Variants in GNG7 observed in about 807,000 individuals in gnomAD.
GNG7 encodes the protein guanine nucleotide-binding protein G(I)/G(S)/G(O) subunit gamma-7.
GNG7 carries 1 observed loss-of-function variant against 4.0 expected under a neutral mutation model. That is an observed-to-expected ratio of 0.25 (90% CI 0.09 to 1.18). GNG7 has a LOEUF of 1.18. Ranked by LOEUF, GNG7 falls within the 50% of genes most tolerant of loss-of-function variation. The pLI, the probability that GNG7 is intolerant of heterozygous loss-of-function variation, is 0.50. For synonymous variants in GNG7, 34 were observed against 36.9 expected (o/e 0.92, Z 0.29); for missense variants, 86 against 91.9 (o/e 0.94, Z 0.26).
intron 2 of GNG7, among the ~76,000 whole-genome samples, chr19:2,608,100 A>G (rs944782213): frequency 1.3e-5 from 2 of 151,018 alleles, no homozygotes; most frequent in African/African-American, 4.9e-5. Context: ...AGGTGGAGGA[A>G]AAAAAAAATA....
At chr19:2,679,936 T>C (rs956932330) in intron 1 of GNG7, among the ~76,000 whole-genome samples, 2 of 152,070 alleles carry the variant, frequency 1.3e-5, no homozygotes, top group African/African-American at 4.8e-5. Context: ...AACCAGTCAG[T>C]GTCCACAGCT....
At chr19:2,645,243 C>CTT (rs10674864) in intron 2 of GNG7, among the ~76,000 whole-genome samples, 43,004 of 135,122 alleles carry the variant, frequency 0.32, 6,887 homozygotes, top group East Asian at 0.38. Context: ...CTCTCTCTCT[C>CTT]TTTTTTTTTT....
rs923002784 is a variant in GNG7 at position 2,609,146 on chromosome 19, C to T, written c.-78+37078G>A. Among the ~76,000 whole-genome samples, 5 of 152,016 alleles carry T rather than the reference C, an allele frequency of 3.3e-5. No individual in the cohort carries two copies. Among genetic ancestry groups the T allele is most frequent in the Non-Finnish European group, 7.4e-5 (5 of 68,010 alleles). ...GGTTCAAGCAATCCTCCTGCCTTAG[C>T]CTCCCGAGTAGCTGGGATTACAGGC... is the stretch of plus-strand genomic sequence containing the variant. On this transcript the variant is annotated intron_variant, in intron 2 of 4. Transcript: ENST00000382159. The surrounding 1 kb of genome is among the most constrained non-coding windows in gnomAD (Gnocchi z 4.4).
In GNG7 at chr19:2,557,214, C is replaced by T. The variant is rs558481880; in HGVS notation, c.-77-2026G>A. ...GTGCACACACATTTGCATGCACACA[C>T]AGACACACATGCACACACAGACGCA... On this transcript the variant is annotated intron_variant, in intron 2 of 4. Coordinates refer to ENST00000382159, the MANE Select transcript of GNG7 (RefSeq NM_052847.3). This position sits in a 1 kb window ranked among gnomAD's most constrained non-coding sequence, Gnocchi z 5.1. Among the ~76,000 whole-genome samples, 1 of 151,524 alleles carries T rather than the reference C, an allele frequency of 6.6e-6. No homozygotes were observed. Among genetic ancestry groups the T allele is most frequent in the African/African-American group, 2.4e-5 (1 of 40,984 alleles).
chr19:2,655,168 G>A (rs1251264205), intron 1 of GNG7, among the ~76,000 whole-genome samples: 1 of 136,626 alleles, frequency 7.3e-6, no homozygotes, highest in Non-Finnish European at 1.5e-5. Flanking sequence ...CAGGCTGGGT[G>A]ACAGAGCAAG....
At chr19:2,516,546 GA>G (rs1302762776) in intron 4 of GNG7, among the ~76,000 whole-genome samples, 3 of 152,152 alleles carry the variant, frequency 2.0e-5, no homozygotes, top group Non-Finnish European at 4.4e-5. Context: ...TTTTAAAAAA[GA>G]AAAGGCTGAG....
intron 1 of GNG7, among the ~76,000 whole-genome samples, chr19:2,665,006 T>C (rs1453091906): frequency 6.6e-6 from 1 of 151,940 alleles, no homozygotes; most frequent in Non-Finnish European, 1.5e-5. Context: ...TCCCCTGATC[T>C]TCTGTCCTGC....
At chr19:2,528,095 C>G (rs983808150) in intron 3 of GNG7, among the ~76,000 whole-genome samples, 21 of 150,862 alleles carry the variant, frequency 1.4e-4, no homozygotes, top group Non-Finnish European at 1.5e-4. Flanking sequence ...TGGTGAAACC[C>G]CCACGTCTGC....
rs773835715 is a variant in GNG7, at chr19:2,673,267, ACAAAAC to A, written c.-134-26993_-134-26988del. Among the ~76,000 whole-genome samples the A allele has an allele frequency of 3.7e-3, 511 of 138,060 alleles. 11 individuals carry two copies. The highest frequency in any genetic ancestry group is 0.014 in the African/African-American group (494 of 35,184). 90.6% of individuals were successfully genotyped at this position (138,060 alleles called of 152,430 possible). Reference sequence around the variant, plus strand: ...AGCGAGATTCCATCTCAAAAAAAAAACAAAACAAAACAAAACAAAACAAAAAAAAAC... The same window carrying A: ...AGCGAGATTCCATCTCAAAAAAAAAAAAAACAAAACAAAACAAAAAAAAAC... On this transcript the variant is annotated intron_variant, in intron 1 of 4. Transcript: ENST00000382159.
In GNG7 at chr19:2,554,543, CTATA is replaced by C. The variant is rs1442355190; in HGVS notation, c.-38+602_-38+605del. Among the ~76,000 whole-genome samples, 42 of 136,822 alleles carry C rather than the reference CTATA, an allele frequency of 3.1e-4. 1 individual carries two copies. The highest frequency in any genetic ancestry group is 1.1e-3 in the East Asian group (5 of 4,658). The allele number at this position is 136,822 out of a possible 152,430, so 89.8% of individuals were successfully genotyped here. On this transcript the variant is annotated intron_variant, in intron 3 of 4. Transcript: ENST00000382159. ...TATATGTGTGTATAAAATATATATG[CTATA>C]TATATATATATATTTTTTTTTTTTT...
chr19:2,527,214 G>A (rs1255937957), intron 3 of GNG7, among the ~76,000 whole-genome samples: 2 of 152,074 alleles, frequency 1.3e-5, no homozygotes, highest in East Asian at 1.9e-4. Flanking sequence ...GGAGCCCCAC[G>A]CACCCTCTCC....
chr19:2,559,151 CAT>C (rs1268143710), intron 2 of GNG7, among the ~76,000 whole-genome samples: 3 of 151,968 alleles, frequency 2.0e-5, no homozygotes, highest in African/African-American at 2.4e-5. Flanking sequence ...CACACACACA[CAT>C]ATATATACAT....
At chr19:2,695,605 G>T (rs1404164342) in intron 1 of GNG7, among the ~76,000 whole-genome samples, 2 of 151,824 alleles carry the variant, frequency 1.3e-5, no homozygotes, top group African/African-American at 2.4e-5. Flanking sequence ...GAGCCAAGTG[G>T]GGGTGGGGTA....
intron 1 of GNG7, among the ~76,000 whole-genome samples, chr19:2,669,263 G>A (rs1020244633): frequency 8.5e-5 from 13 of 152,126 alleles, no homozygotes; most frequent in Admixed American, 6.6e-4. Context: ...AGGCTAAGGC[G>A]GGCAGATCAC....
At position 2,633,992 on chromosome 19, in the gene GNG7, G is replaced by A. The variant is rs755480922; in HGVS notation, c.-78+12232C>T. 7.2e-5 allele frequency among the ~76,000 whole-genome samples: 11 copies of A among 152,090 alleles called. No homozygotes were observed. The highest frequency in any genetic ancestry group is 1.5e-4 in the Non-Finnish European group (10 of 68,006). ...ACCCCCTGGGATAGGGGATTCCACG[G>A]ACCCCCAAGAGACTCCGCGTCCCAT... On this transcript the variant is annotated intron_variant, in intron 2 of 4. Coordinates refer to ENST00000382159, the MANE Select transcript of GNG7 (RefSeq NM_052847.3). This position sits in a 1 kb window ranked among gnomAD's most constrained non-coding sequence, Gnocchi z 5.9.
intron 2 of GNG7, among the ~76,000 whole-genome samples, chr19:2,588,471 C>T (rs183151166): frequency 2.8e-4 from 42 of 152,328 alleles, no homozygotes; most frequent in African/African-American, 7.0e-4. Context: ...GCTGGTGAAT[C>T]GCACAGGGCC....
At position 2,609,947 on chromosome 19, in the gene GNG7, G is replaced by A. The variant is rs557673063; in HGVS notation, c.-78+36277C>T. 5.9e-5 allele frequency among the ~76,000 whole-genome samples: 9 copies of A among 151,914 alleles called. No individual in the cohort carries two copies. In the East Asian group the frequency reaches 1.7e-3, roughly 30 times the overall value. On this transcript the variant is annotated intron_variant, in intron 2 of 4. Coordinates refer to ENST00000382159, the MANE Select transcript of GNG7 (RefSeq NM_052847.3). The surrounding 1 kb of genome is among the most constrained non-coding windows in gnomAD (Gnocchi z 4.4). ...GAGAGCGTGCACCTTAAACGGCCAA[G>A]GTCCGTCACTACCACCGAGCACCTG...
At chr19:2,548,497 A>AC (rs966459095) in intron 3 of GNG7, among the ~76,000 whole-genome samples, 18 of 147,096 alleles carry the variant, frequency 1.2e-4, no homozygotes, top group African/African-American at 4.4e-4. Flanking sequence ...AAAAAAAAAA[A>AC]AAAAAACCTA....
In GNG7 at chr19:2,557,330, CAGACACACACATGTGCACACACACAG is replaced by C. The variant is rs1979594477; in HGVS notation, c.-77-2168_-77-2143del. Among the ~76,000 whole-genome samples the C allele has an allele frequency of 1.3e-5, 2 of 148,584 alleles. No individual in the cohort carries two copies. Among genetic ancestry groups the C allele is most frequent in the Admixed American group, 1.4e-4 (2 of 14,774 alleles). ...ACACGCACAGACACACATGTGCACA[CAGACACACACATGTGCACACACACAG>C]ACACACACACACGTGCACGCACACA... On this transcript the variant is annotated intron_variant, in intron 2 of 4. Coordinates refer to ENST00000382159, the MANE Select transcript of GNG7 (RefSeq NM_052847.3). This position sits in a 1 kb window ranked among gnomAD's most constrained non-coding sequence, Gnocchi z 5.1.
Sources: allele counts gnomAD v4.1 joint callset (sites outside exome capture counted in the v4.1 genomes callset), GRCh38; gene constraint gnomAD v4.1.1; non-coding constraint Gnocchi (gnomAD v3.1); transcripts MANE v1.5; gene names NCBI Gene and HGNC (gene_info 2026-07-23, HGNC 2026-07-21).